OPCML: variants seen among roughly 807,000 people sequenced by gnomAD.
OPCML encodes the protein opioid binding protein/cell adhesion molecule like.
A neutral mutation model predicts 37.8 loss-of-function variants in OPCML; 13 were observed. The observed-to-expected ratio is 0.34, with a 90% CI of 0.22 to 0.55. OPCML has a LOEUF of 0.55. OPCML is among the 20% of genes least tolerant of loss of function. The pLI, the probability that OPCML is intolerant of heterozygous loss-of-function variation, is 0.91. For missense variants in OPCML, 341 were observed against 435.6 expected (o/e 0.78, Z 1.93); for synonymous variants, 176 against 168.8 (o/e 1.04, Z -0.33).
chr11:132,668,140 C>A (rs763810098), intron 2 of OPCML, among the ~76,000 whole-genome samples: 32 of 152,142 alleles, frequency 2.1e-4, no homozygotes, highest in Non-Finnish European at 3.4e-4. Flanking sequence ...AAATTATACA[C>A]GATGAAAAGT....
chr11:132,626,545 G>T (rs1171455261), intron 3 of OPCML, among the ~76,000 whole-genome samples: 8 of 152,058 alleles, frequency 5.3e-5, no homozygotes, highest in African/African-American at 1.7e-4. Flanking sequence ...ATAGAAGATA[G>T]GGAAAAGGCT....
chr11:133,518,949 G>A (rs1291576774), intron 1 of OPCML, among the ~76,000 whole-genome samples: 1 of 152,094 alleles, frequency 6.6e-6, no homozygotes, highest in Admixed American at 6.5e-5. Flanking sequence ...AGCCCACAGA[G>A]GTGCTTGCCC....
intron 1 of OPCML, among the ~76,000 whole-genome samples, chr11:133,209,213 A>T (rs1219263174): frequency 1.3e-5 from 2 of 152,228 alleles, no homozygotes; most frequent in Admixed American, 1.3e-4. Flanking sequence ...ATATAAGGAC[A>T]AGGACTGTGT....
intron 2 of OPCML, among the ~76,000 whole-genome samples, chr11:132,702,024 G>A (rs1282171302): frequency 1.3e-5 from 2 of 152,026 alleles, no homozygotes; most frequent in Admixed American, 6.6e-5. Flanking sequence ...TGTTCATCAG[G>A]AAATTATTAT....
At chr11:132,450,676 C>T (rs923068100) in intron 4 of OPCML, among the ~76,000 whole-genome samples, 2 of 151,888 alleles carry the variant, frequency 1.3e-5, no homozygotes, top group South Asian at 2.1e-4. Flanking sequence ...TCTGCACATA[C>T]ACAGACAGAC....
chr11:132,502,098 G>A (rs984587947), intron 4 of OPCML, among the ~76,000 whole-genome samples: 2 of 152,146 alleles, frequency 1.3e-5, no homozygotes, highest in African/African-American at 4.8e-5. Flanking sequence ...ATGTATTATA[G>A]ACATGTTTTA....
chr11:133,266,825 C>T (rs912224078), intron 1 of OPCML, among the ~76,000 whole-genome samples: 6 of 152,118 alleles, frequency 3.9e-5, no homozygotes, highest in Admixed American at 2.0e-4. Context: ...CTATTGCTTT[C>T]GATTAGAATC....
intron 2 of OPCML, among the ~76,000 whole-genome samples, chr11:132,785,358 G>C (rs1283828246): frequency 6.6e-6 from 1 of 152,194 alleles, no homozygotes; most frequent in Non-Finnish European, 1.5e-5. Context: ...GTAAGCAGCA[G>C]ACACAGCCTT....
chr11:133,009,537 A>G (rs1021826310), intron 1 of OPCML, among the ~76,000 whole-genome samples: 1 of 152,204 alleles, frequency 6.6e-6, no homozygotes, highest in South Asian at 2.1e-4. Flanking sequence ...AGTCCACTCT[A>G]TACTCTACAA....
At chr11:133,061,395 G>C (rs866534146) in intron 1 of OPCML, among the ~76,000 whole-genome samples, 5 of 152,208 alleles carry the variant, frequency 3.3e-5, no homozygotes, top group African/African-American at 1.2e-4. Context: ...CTCACATCTG[G>C]ATATGGGGAG....
intron 1 of OPCML, chr11:133,420,809 C>G (rs1945870350): frequency 1.0e-6 from 1 of 985,396 alleles, no homozygotes; most frequent in African/African-American, 1.7e-5. Flanking sequence ...TATTTGAAAA[C>G]TAGAAGGAAC....
chr11:132,660,487 C>G (rs1308113939), intron 2 of OPCML, among the ~76,000 whole-genome samples: 2 of 152,106 alleles, frequency 1.3e-5, no homozygotes, highest in African/African-American at 4.8e-5. Context: ...TTCTCAGTAT[C>G]TGGAAAGTAT....
chr11:133,202,847 T>A (rs965157102), intron 1 of OPCML, among the ~76,000 whole-genome samples: 3 of 152,194 alleles, frequency 2.0e-5, no homozygotes, highest in Non-Finnish European at 4.4e-5. Flanking sequence ...CAGGTGGCCA[T>A]GAGAATACAT....
At position 132,418,112 on chromosome 11, in the gene OPCML, T is replaced by C. The variant is rs1208319172; in HGVS notation, c.*2081A>G. 1.3e-5 allele frequency: 2 copies of C among 152,228 alleles called. No individual in the cohort carries two copies. The highest frequency in any genetic ancestry group is 2.9e-5 in the Non-Finnish European group (2 of 68,054). 9.4% of individuals were successfully genotyped at this position (152,228 alleles called of 1,614,324 possible). A position where few individuals can be genotyped will look rare whatever the true frequency, so the allele number is the denominator to read the frequency against. On this transcript the variant is annotated 3_prime_UTR_variant, in exon 8 of 8. Transcript: ENST00000524381. Reference sequence around the variant, plus strand: ...ATGGCAGAGGTCACACTCATGTGCCTTGATGGACAAAAACAAAGAGGACAC... The same window carrying C: ...ATGGCAGAGGTCACACTCATGTGCCCTGATGGACAAAAACAAAGAGGACAC...
At chr11:133,368,795 T>C (rs1012140199) in intron 1 of OPCML, among the ~76,000 whole-genome samples, 4 of 152,176 alleles carry the variant, frequency 2.6e-5, no homozygotes, top group African/African-American at 7.2e-5. Flanking sequence ...CCACTTAGGA[T>C]AGGAGCCATC....
At chr11:132,514,620 A>G (rs2096275820) in intron 4 of OPCML, among the ~76,000 whole-genome samples, 2 of 152,288 alleles carry the variant, frequency 1.3e-5, no homozygotes, top group African/African-American at 4.8e-5. Context: ...AGGTGCAGTA[A>G]TATCAGGAGA....
chr11:132,593,019 C>T (rs969510202), intron 3 of OPCML, among the ~76,000 whole-genome samples: 3 of 152,086 alleles, frequency 2.0e-5, no homozygotes, highest in Non-Finnish European at 4.4e-5. Context: ...CACTGGAAGA[C>T]ATAAATAGAA....
intron 1 of OPCML, among the ~76,000 whole-genome samples, chr11:133,310,121 C>G (rs1052333012): frequency 1.3e-5 from 2 of 152,142 alleles, no homozygotes; most frequent in African/African-American, 4.8e-5. Context: ...AGAAAGGAGT[C>G]TGGAGGGTGA....
At chr11:132,869,885 T>A (rs2136389569) in intron 2 of OPCML, among the ~76,000 whole-genome samples, 1 of 152,360 alleles carries the variant, frequency 6.6e-6, no homozygotes, top group Non-Finnish European at 1.5e-5. Context: ...GATGCACCTC[T>A]CATGCTTCTT....
Sources: gnomAD v4.1 joint callset for allele counts (sites outside exome capture counted in the v4.1 genomes callset) on GRCh38, gnomAD v4.1.1 for gene constraint, MANE v1.5 for transcripts, NCBI Gene and HGNC (gene_info 2026-07-23, HGNC 2026-07-21) for gene names.